CACNA1C: variants seen among roughly 807,000 people sequenced by gnomAD.
CACNA1C encodes calcium voltage-gated channel subunit alpha1 C.
In CACNA1C, 30 loss-of-function variants were observed where a neutral mutation model predicts 229.0. The observed-to-expected ratio is 0.13, with a 90% CI of 0.10 to 0.18. The LOEUF (loss-of-function observed/expected upper bound fraction) is 0.18, where lower values mean the gene tolerates loss of function less well. Ranked by LOEUF, CACNA1C falls within the 10% of genes least tolerant of loss-of-function variation. CACNA1C has a pLI of 1.00. For synonymous variants in CACNA1C, 1,114 were observed against 1,132.5 expected, an observed-to-expected ratio of 0.98 and a Z score of 0.33; for missense variants, 1,658 against 2,845.0, an observed-to-expected ratio of 0.58 and a Z score of 9.49.
chr12:2,349,274 G>T lies in CACNA1C; in HGVS notation c.478-99702G>T, dbSNP rs113568074. 9.4e-4 allele frequency among the ~76,000 whole-genome samples: 143 copies of T among 152,346 alleles called. 1 individual carries two copies. The highest frequency in any genetic ancestry group is 3.2e-3 in the African/African-American group (135 of 41,580). On this transcript the variant is annotated intron_variant, in intron 3 of 46. Coordinates refer to ENST00000399655, the MANE Select transcript of CACNA1C (RefSeq NM_000719.7). ...CCAGCATGAAGTCCCATGGTCCTGT[G>T]TGAGTGGAACCTTGGTGTGGAAAGT...
intron 3 of CACNA1C, among the ~76,000 whole-genome samples, chr12:2,298,309 C>CT (rs907872342): frequency 1.5e-4 from 22 of 151,426 alleles, no homozygotes; most frequent in East Asian, 7.7e-4. Context: ...GTGACAGGGT[C>CT]TTTTTTTTTA....
chr12:2,095,481 A>G (rs1052067860), intron 1 of CACNA1C, among the ~76,000 whole-genome samples: 1 of 152,186 alleles, frequency 6.6e-6, no homozygotes, highest in African/African-American at 2.4e-5. Context: ...GTTCTTAAAG[A>G]TGGACTTCTC....
chr12:2,668,117 G>C (rs1013540305), intron 37 of CACNA1C, among the ~76,000 whole-genome samples: 2 of 80,318 alleles, frequency 2.5e-5, no homozygotes, highest in Non-Finnish European at 8.1e-5. Flanking sequence ...AAGCTCCTGT[G>C]ATCCTTTCTC....
At chr12:2,006,305 G>A (rs2043444375) in intron 1 of CACNA1C, among the ~76,000 whole-genome samples, 1 of 152,190 alleles carries the variant, frequency 6.6e-6, no homozygotes, top group African/African-American at 2.4e-5. Flanking sequence ...ATACTCGGGA[G>A]GCTGAGGCAG....
At chr12:2,142,887 A>G (rs965053989) in intron 3 of CACNA1C, among the ~76,000 whole-genome samples, 4 of 151,460 alleles carry the variant, frequency 2.6e-5, no homozygotes, top group Non-Finnish European at 5.9e-5. Context: ...AAAAGAGTCA[A>G]AAAGTTAAAA....
chr12:2,218,028 T>G (rs951364589), intron 3 of CACNA1C: 3 of 152,180 alleles, frequency 2.0e-5, no homozygotes. Flanking sequence ...GAAGCCCTGA[T>G]CTGAGATTCA....
intron 3 of CACNA1C, among the ~76,000 whole-genome samples, chr12:2,255,464 C>T (rs1441276450): frequency 6.6e-6 from 1 of 152,152 alleles, no homozygotes; most frequent in Non-Finnish European, 1.5e-5. Context: ...GATGTCTGAA[C>T]TGCCAGGAGG....
At chr12:2,626,493 G>A (rs2086637032) in intron 29 of CACNA1C, among the ~76,000 whole-genome samples, 1 of 152,208 alleles carries the variant, frequency 6.6e-6, no homozygotes, top group Admixed American at 6.5e-5. Flanking sequence ...CACATCTGAT[G>A]CTGCTTGTTT....
chr12:2,303,582 C>T (rs1390370412), intron 3 of CACNA1C, among the ~76,000 whole-genome samples: 1 of 152,098 alleles, frequency 6.6e-6, no homozygotes, highest in African/African-American at 2.4e-5. Context: ...CCGGGTAACA[C>T]AGGGAGACCC....
chr12:2,335,213 C>A (rs11062194), intron 3 of CACNA1C, among the ~76,000 whole-genome samples: 15,655 of 152,120 alleles, frequency 0.1, 888 homozygotes, highest in South Asian at 0.14. Context: ...TGGCTGCTGG[C>A]GATTTTAGGC....
At chr12:2,472,492 C>T (rs1293559852) in intron 5 of CACNA1C, among the ~76,000 whole-genome samples, 2 of 152,096 alleles carry the variant, frequency 1.3e-5, no homozygotes, top group Non-Finnish European at 2.9e-5. Context: ...GTGGAATTCT[C>T]TATATTTCTC....
At chr12:2,637,557 C>T (rs944252279) in intron 30 of CACNA1C, among the ~76,000 whole-genome samples, 7 of 152,208 alleles carry the variant, frequency 4.6e-5, no homozygotes, top group Non-Finnish European at 1.0e-4. Flanking sequence ...AAGCACAGTC[C>T]GGCTTGACCC....
rs745485698 is a variant in CACNA1C at position 2,378,819 on chromosome 12, T to TTCCTTCCTTC, written c.478-70157_478-70156insTCCTTCCTTC. On this transcript the variant is annotated intron_variant, in intron 3 of 46. Coordinates refer to ENST00000399655, the MANE Select transcript of CACNA1C (RefSeq NM_000719.7). The stretch of plus-strand genomic sequence containing the variant: ...CTTCCTTCCTTCCTTCCTTCCTTCC[T>TTCCTTCCTTC]CTCTCTCTTTCCTTCTTTTTTTCTT... Among the ~76,000 whole-genome samples the TTCCTTCCTTC allele has an allele frequency of 2.8e-3, 421 of 147,856 alleles. 2 individuals are homozygous for TTCCTTCCTTC. Among genetic ancestry groups the TTCCTTCCTTC allele is most frequent in the East Asian group, 6.6e-3 (33 of 4,988 alleles).
intron 9 of CACNA1C, among the ~76,000 whole-genome samples, chr12:2,546,993 A>G (rs573922450): frequency 6.6e-6 from 1 of 152,302 alleles, no homozygotes; most frequent in Non-Finnish European, 1.5e-5. Flanking sequence ...GTCCCATGTG[A>G]GGGAGGAGAC....
chr12:2,525,338 C>G (rs573246621), intron 9 of CACNA1C, among the ~76,000 whole-genome samples: 1 of 152,210 alleles, frequency 6.6e-6, no homozygotes, highest in South Asian at 2.1e-4. Context: ...TTGGAAAGAG[C>G]CTGCATCCAC....
chr12:2,534,289 G>A (rs779822399), intron 9 of CACNA1C, among the ~76,000 whole-genome samples: 40 of 152,200 alleles, frequency 2.6e-4, no homozygotes, highest in Admixed American at 8.5e-4. Context: ...GGCGAATGCT[G>A]GAAAGGGAAG....
At chr12:2,449,662 C>T (rs1434871341) in intron 4 of CACNA1C, among the ~76,000 whole-genome samples, 2 of 152,264 alleles carry the variant, frequency 1.3e-5, no homozygotes, top group Non-Finnish European at 2.9e-5. Flanking sequence ...CTCCACCACT[C>T]CCACACAGCA....
At chr12:1,973,879 T>C (rs2033386914) in intron 1 of CACNA1C, among the ~76,000 whole-genome samples, 1 of 152,222 alleles carries the variant, frequency 6.6e-6, no homozygotes, top group Non-Finnish European at 1.5e-5. Flanking sequence ...ACAAATATCA[T>C]GCAGGGAGTC....
At chr12:2,636,383 C>CA (rs2092687917) in intron 30 of CACNA1C, among the ~76,000 whole-genome samples, 2 of 152,062 alleles carry the variant, frequency 1.3e-5, no homozygotes, top group Non-Finnish European at 2.9e-5. Flanking sequence ...GAAAAAACAA[C>CA]AAAAAAGCAT....
Sources: allele counts gnomAD v4.1 joint callset (sites outside exome capture counted in the v4.1 genomes callset), GRCh38; gene constraint gnomAD v4.1.1; transcripts MANE v1.5; gene names NCBI Gene and HGNC (gene_info 2026-07-23, HGNC 2026-07-21).